The following HDAC8 variants were observed in gnomAD, a reference collection of about 807,000 sequenced individuals.
HDAC8 encodes the protein histone deacetylase 8.
Under a neutral mutation model 32.2 loss-of-function variants are expected in HDAC8, and 1 was observed. The ratio of observed to expected loss-of-function variants is 0.03; its 90% CI spans 0.01 to 0.15. HDAC8 has a LOEUF of 0.15. Ranked by LOEUF, HDAC8 falls within the 10% of genes least tolerant of loss-of-function variation. The pLI, the probability that HDAC8 is intolerant of heterozygous loss-of-function variation, is 1.00. For synonymous variants in HDAC8, 108 were observed against 113.9 expected, an observed-to-expected ratio of 0.95 and a Z score of 0.33; for missense variants, 117 against 300.0, an observed-to-expected ratio of 0.39 and a Z score of 4.51.
chrX:72,479,826 G>A (rs782433883), intron 7 of HDAC8, among the ~76,000 whole-genome samples: 7 of 112,112 alleles, frequency 6.2e-5, no homozygotes, highest in African/African-American at 1.3e-4. Flanking sequence ...AGAAAACACC[G>A]GTTCGCCACT....
chrX:72,408,667 A>G (rs1295014265), intron 9 of HDAC8, among the ~76,000 whole-genome samples: 1 of 111,991 alleles, frequency 8.9e-6, no homozygotes, highest in Non-Finnish European at 1.9e-5. Flanking sequence ...TGGCCTCCCA[A>G]AGTGCTGAGA....
chrX:72,558,693 C>G (rs2051372542), intron 4 of HDAC8, among the ~76,000 whole-genome samples: 1 of 110,424 alleles, frequency 9.1e-6, no homozygotes, highest in Non-Finnish European at 1.9e-5. Context: ...AAAAGGATGC[C>G]CACTTTCACC....
chrX:72,514,177 G>A (rs1556023509), intron 4 of HDAC8, among the ~76,000 whole-genome samples: 2 of 112,338 alleles, frequency 1.8e-5, no homozygotes, highest in South Asian at 3.7e-4. Context: ...AAGTGGTTCT[G>A]AGTACTGCAG....
intron 4 of HDAC8, among the ~76,000 whole-genome samples, chrX:72,522,208 C>T (rs1053757083): frequency 8.9e-6 from 1 of 112,177 alleles, no homozygotes; most frequent in Non-Finnish European, 1.9e-5. Flanking sequence ...AACACCAACA[C>T]GAAGGAAGGG....
intron 9 of HDAC8, among the ~76,000 whole-genome samples, chrX:72,396,545 A>G (rs2045768647): frequency 8.9e-6 from 1 of 112,553 alleles, no homozygotes; most frequent in African/African-American, 3.2e-5. Context: ...TGATGTTTTA[A>G]TATATACATA....
chrX:72,548,654 A>G (rs2147487602), intron 4 of HDAC8, among the ~76,000 whole-genome samples: 1 of 109,378 alleles, frequency 9.1e-6, no homozygotes, highest in East Asian at 2.9e-4. Context: ...CGTCATCTCT[A>G]TAGCACTGTT....
At chrX:72,495,472 A>C (rs782697921) in intron 4 of HDAC8, among the ~76,000 whole-genome samples, 1 of 112,075 alleles carries the variant, frequency 8.9e-6, no homozygotes, top group African/African-American at 3.2e-5. Context: ...TATTTGGGTA[A>C]ATTGGTAATA....
intron 10 of HDAC8, among the ~76,000 whole-genome samples, chrX:72,343,737 C>G (rs1012801024): frequency 1.8e-5 from 2 of 112,302 alleles, no homozygotes; most frequent in East Asian, 5.6e-4. Context: ...AACTCCTGGG[C>G]TCAAGCGATC....
At chrX:72,445,006 C>T (rs2047332301) in intron 9 of HDAC8, among the ~76,000 whole-genome samples, 1 of 105,337 alleles carries the variant, frequency 9.5e-6, no homozygotes, top group Non-Finnish European at 2.0e-5. Flanking sequence ...AGGAGAACTA[C>T]AAACCACTGC....
At chrX:72,405,003 G>C (rs1184018940) in intron 9 of HDAC8, among the ~76,000 whole-genome samples, 1 of 110,788 alleles carries the variant, frequency 9.0e-6, no homozygotes, top group African/African-American at 3.3e-5. Context: ...CAGGGTACAA[G>C]TGCAGGTTTG....
chrX:72,400,663 C>T (rs1172032156), intron 9 of HDAC8, among the ~76,000 whole-genome samples: 3 of 112,395 alleles, frequency 2.7e-5, no homozygotes, highest in Non-Finnish European at 5.6e-5. Context: ...TTCACCCATT[C>T]ATAGTATACA....
intron 9 of HDAC8, among the ~76,000 whole-genome samples, chrX:72,412,182 T>G (rs2046214728): frequency 1.8e-5 from 2 of 111,420 alleles, no homozygotes; most frequent in African/African-American, 6.5e-5. Context: ...TTCTTAAGAG[T>G]AGGACGGAAA....
intron 4 of HDAC8, among the ~76,000 whole-genome samples, chrX:72,533,420 T>A: frequency 9.0e-6 from 1 of 111,661 alleles, no homozygotes; most frequent in Non-Finnish European, 1.9e-5. Flanking sequence ...GCTTCACTGG[T>A]GAATTCTACC....
At chrX:72,555,161 A>G (rs782353448) in intron 4 of HDAC8, among the ~76,000 whole-genome samples, 1 of 112,009 alleles carries the variant, frequency 8.9e-6, no homozygotes, top group Non-Finnish European at 1.9e-5. Flanking sequence ...CAATCGCTAC[A>G]GTTTAGCTCT....
At chrX:72,335,186 C>T (rs2043644899) in intron 10 of HDAC8, among the ~76,000 whole-genome samples, 1 of 112,123 alleles carries the variant, frequency 8.9e-6, no homozygotes. Context: ...GATACTGATA[C>T]ATTATCATTA....
At chrX:72,485,923 C>T (rs958446260) in intron 7 of HDAC8, among the ~76,000 whole-genome samples, 1 of 110,110 alleles carries the variant, frequency 9.1e-6, no homozygotes, top group East Asian at 2.9e-4. Flanking sequence ...AGATCGAGAC[C>T]ATAGTGGCTA....
chrX:72,444,262 A>T (rs1421406440), intron 9 of HDAC8, among the ~76,000 whole-genome samples: 1 of 104,075 alleles, frequency 9.6e-6, no homozygotes, highest in East Asian at 3.2e-4. Context: ...AATATCCTTG[A>T]TGAACATTGA....
intron 9 of HDAC8, among the ~76,000 whole-genome samples, chrX:72,418,216 C>T (rs1266506287): frequency 2.7e-5 from 3 of 111,278 alleles, no homozygotes; most frequent in Non-Finnish European, 5.7e-5. Flanking sequence ...CAAGGTGGAA[C>T]CTAATTAAAC....
chrX:72,544,533 G>A (rs2050802939), intron 4 of HDAC8, among the ~76,000 whole-genome samples: 1 of 111,342 alleles, frequency 9.0e-6, no homozygotes, highest in Non-Finnish European at 1.9e-5. Context: ...AATCTTCCTA[G>A]GAGACTTCAT....
Sources: gnomAD v4.1 joint callset for allele counts (sites outside exome capture counted in the v4.1 genomes callset) on GRCh38, gnomAD v4.1.1 for gene constraint, MANE v1.5 for transcripts, NCBI Gene and HGNC (gene_info 2026-07-23, HGNC 2026-07-21) for gene names.